The following CWC27 variants were observed in gnomAD, a reference collection of about 807,000 sequenced individuals.
CWC27 encodes the protein CWC27 spliceosome associated cyclophilin.
Under a neutral mutation model 63.6 loss-of-function variants are expected in CWC27, and 47 were observed. The observed-to-expected ratio is 0.74, with a 90% CI of 0.58 to 0.94. The LOEUF is 0.94. Among genes scored for constraint, CWC27 ranks in the 40% least tolerant of loss-of-function variants. The probability of loss-of-function intolerance (pLI) is 0.00; values close to 1 mark genes in which losing one functional copy is unlikely to be tolerated. For synonymous variants in CWC27, 175 were observed against 179.8 expected (o/e 0.97, Z 0.22); for missense variants, 495 against 554.3 (o/e 0.89, Z 1.07).
At chr5:64,794,079 C>G (rs1744172827) in intron 7 of CWC27, among the ~76,000 whole-genome samples, 1 of 152,106 alleles carries the variant, frequency 6.6e-6, no homozygotes, top group Non-Finnish European at 1.5e-5. Context: ...TTTTGTCCAA[C>G]TTCTTTTCTT....
intron 11 of CWC27, among the ~76,000 whole-genome samples, chr5:64,934,792 A>G (rs1748311034): frequency 6.6e-6 from 1 of 152,194 alleles, no homozygotes; most frequent in South Asian, 2.1e-4. Context: ...AATCATCACC[A>G]TTCTAACTGG....
chr5:64,807,743 T>G (rs751078409), intron 10 of CWC27: 1 of 1,535,942 alleles, frequency 6.5e-7, no homozygotes, highest in Non-Finnish European at 8.7e-7. Flanking sequence ...CTCGCCACAA[T>G]GTTTACTTCA....
intron 11 of CWC27, among the ~76,000 whole-genome samples, chr5:64,940,146 C>G (rs2112413401): frequency 6.6e-6 from 1 of 152,264 alleles, no homozygotes; most frequent in East Asian, 1.9e-4. Context: ...CACTGGCATT[C>G]CAGGTGCCAC....
At chr5:64,950,853 A>G (rs1002151354) in intron 11 of CWC27, among the ~76,000 whole-genome samples, 3 of 151,712 alleles carry the variant, frequency 2.0e-5, no homozygotes, top group Admixed American at 6.6e-5. Flanking sequence ...TAGTTTTCCT[A>G]TTTTCAGAAT....
rs116854704 is a variant in CWC27, at chr5:64,927,046, G to A, written c.1042+41500G>A. On this transcript the variant is annotated intron_variant, in intron 11 of 13. Coordinates refer to ENST00000381070, the MANE Select transcript of CWC27 (RefSeq NM_005869.4). ...CACAAATGTACATATTTCTAATCCA[G>A]ATTTACCATGTGCTATATTTTTTTA... 1.0e-3 allele frequency among the ~76,000 whole-genome samples: 152 copies of A among 152,192 alleles called. 4 individuals are homozygous for A. In the East Asian group the frequency reaches 0.026, roughly 26 times the overall value.
At chr5:64,769,600 G>C (rs1390124537) in intron 1 of CWC27, among the ~76,000 whole-genome samples, 1 of 152,190 alleles carries the variant, frequency 6.6e-6, no homozygotes, top group East Asian at 1.9e-4. Context: ...GAGATACAAA[G>C]ATGGATGGGT....
At chr5:64,780,061 T>C (rs1743609666) in intron 2 of CWC27, among the ~76,000 whole-genome samples, 1 of 152,118 alleles carries the variant, frequency 6.6e-6, no homozygotes, top group South Asian at 2.1e-4. Context: ...TGGACTAATA[T>C]ACCCCTCCTC....
At chr5:64,973,533 T>C (rs1749164787) in intron 12 of CWC27, among the ~76,000 whole-genome samples, 1 of 152,226 alleles carries the variant, frequency 6.6e-6, no homozygotes, top group Non-Finnish European at 1.5e-5. Context: ...CATAACTGAA[T>C]AATTCCCCTG....
intron 10 of CWC27, among the ~76,000 whole-genome samples, chr5:64,872,815 G>C (rs574977382): frequency 6.6e-6 from 1 of 152,058 alleles, no homozygotes; most frequent in East Asian, 1.9e-4. Flanking sequence ...TTTTTATTCT[G>C]TGTGCTATAT....
intron 10 of CWC27, among the ~76,000 whole-genome samples, chr5:64,838,227 G>T (rs1745708348): frequency 1.3e-5 from 2 of 152,104 alleles, no homozygotes; most frequent in South Asian, 4.1e-4. Flanking sequence ...ACATTCACAT[G>T]TGTGCTTTTA....
chr5:64,902,637 T>G (rs898213143), intron 11 of CWC27, among the ~76,000 whole-genome samples: 2 of 152,200 alleles, frequency 1.3e-5, no homozygotes, highest in Non-Finnish European at 2.9e-5. Context: ...TATGGTTTTA[T>G]AAGTCTTGAA....
At chr5:64,859,290 A>G (rs1476252793) in intron 10 of CWC27, among the ~76,000 whole-genome samples, 2 of 152,118 alleles carry the variant, frequency 1.3e-5, no homozygotes, top group Non-Finnish European at 2.9e-5. Context: ...GATGTTAGAG[A>G]TTATGTGGAA....
chr5:64,995,779 T>C (rs1749619731), intron 13 of CWC27, among the ~76,000 whole-genome samples: 1 of 152,228 alleles, frequency 6.6e-6, no homozygotes, highest in Non-Finnish European at 1.5e-5. Context: ...TTAAGGCAGG[T>C]TGAACCTTTA....
intron 12 of CWC27, chr5:64,972,649 G>A (rs759696406): frequency 4.4e-6 from 2 of 450,444 alleles, no homozygotes; most frequent in South Asian, 3.2e-5. Flanking sequence ...ATTTCATTAA[G>A]AAAAAGTACA....
chr5:64,929,701 G>A (rs1214009643), intron 11 of CWC27, among the ~76,000 whole-genome samples: 2 of 151,744 alleles, frequency 1.3e-5, no homozygotes, highest in African/African-American at 4.8e-5. Context: ...TTTTTTTAAG[G>A]TAACGGAGGA....
intron 10 of CWC27, among the ~76,000 whole-genome samples, chr5:64,858,334 C>T (rs1435305194): frequency 2.0e-5 from 3 of 148,518 alleles, no homozygotes; most frequent in Admixed American, 6.8e-5. Flanking sequence ...TGGTGGCGGA[C>T]GCCTGTAGTC....
intron 13 of CWC27, among the ~76,000 whole-genome samples, chr5:65,015,437 C>T (rs528056856): frequency 3.3e-5 from 5 of 152,240 alleles, no homozygotes; most frequent in East Asian, 3.9e-4. Context: ...TTTTAAAGGG[C>T]GTATGATTCC....
At chr5:64,798,587 T>G (rs1205087727) in intron 7 of CWC27, among the ~76,000 whole-genome samples, 1 of 152,220 alleles carries the variant, frequency 6.6e-6, no homozygotes, top group Non-Finnish European at 1.5e-5. Context: ...TTAGATTAAC[T>G]GTTGGAGAAA....
intron 6 of CWC27, among the ~76,000 whole-genome samples, chr5:64,787,178 C>T (rs922566713): frequency 1.3e-5 from 2 of 152,028 alleles, no homozygotes; most frequent in East Asian, 1.9e-4. Flanking sequence ...GGGAATTACT[C>T]GAGATGAGAT....
Sources: gnomAD v4.1 joint callset for allele counts (sites outside exome capture counted in the v4.1 genomes callset) on GRCh38, gnomAD v4.1.1 for gene constraint, MANE v1.5 for transcripts, NCBI Gene and HGNC (gene_info 2026-07-23, HGNC 2026-07-21) for gene names.